Variants in KCNH1 observed in about 807,000 individuals in gnomAD.
KCNH1 encodes the protein voltage-gated delayed rectifier potassium channel KCNH1.
Under a neutral mutation model 69.2 loss-of-function variants are expected in KCNH1, and 27 were observed. That is an observed-to-expected ratio of 0.39 (90% CI 0.29 to 0.54). The LOEUF (loss-of-function observed/expected upper bound fraction) is 0.54. Among genes scored for constraint, KCNH1 ranks in the 20% least tolerant of loss-of-function variants. The pLI is 0.68. For synonymous variants in KCNH1, 456 were observed against 487.7 expected, an observed-to-expected ratio of 0.93 and a Z score of 0.86; for missense variants, 798 against 1,261.6, an observed-to-expected ratio of 0.63 and a Z score of 5.57.
chr1:211,096,226 G>A (rs1691150892), intron 3 of KCNH1, among the ~76,000 whole-genome samples: 1 of 151,998 alleles, frequency 6.6e-6, no homozygotes, highest in Non-Finnish European at 1.5e-5. Flanking sequence ...ACCGCACCCG[G>A]CTAATTTTTG....
At chr1:211,093,884 G>T (rs188367926) in intron 3 of KCNH1, among the ~76,000 whole-genome samples, 2 of 152,216 alleles carry the variant, frequency 1.3e-5, no homozygotes, top group Non-Finnish European at 2.9e-5. Context: ...CCCTATAAAG[G>T]GGGGAAGGCA....
chr1:210,887,323 T>C (rs1000620797), intron 7 of KCNH1, among the ~76,000 whole-genome samples: 10 of 151,972 alleles, frequency 6.6e-5, no homozygotes, highest in Non-Finnish European at 1.5e-4. Flanking sequence ...AGAAATAAAA[T>C]CCTTTACAGA....
At chr1:210,986,508 G>A (rs1688837721) in intron 6 of KCNH1, among the ~76,000 whole-genome samples, 1 of 152,116 alleles carries the variant, frequency 6.6e-6, no homozygotes, top group Admixed American at 6.6e-5. Context: ...GCATTTGCTT[G>A]TCTGTAAAGG....
chr1:210,707,509 G>A (rs1332337565), intron 10 of KCNH1, among the ~76,000 whole-genome samples: 3 of 152,124 alleles, frequency 2.0e-5, no homozygotes, highest in South Asian at 2.1e-4. Flanking sequence ...CTCCCCCCAC[G>A]CTGTTTTTTA....
At position 211,126,933 on chromosome 1, in the gene KCNH1, AT is replaced by A. The variant is rs1691787633; in HGVS notation, c.79+6933del. Among the ~76,000 whole-genome samples the A allele has an allele frequency of 2.0e-5, 3 of 151,480 alleles. No individual in the cohort carries two copies. The Admixed American group carries it at 2.0e-4, about 10-fold the overall frequency. The stretch of plus-strand genomic sequence containing the variant: ...TTTAATTCACTTACGGGATCTGGTT[AT>A]CCCACACCCAACCTCACAAAAAAAA... On this transcript the variant is annotated intron_variant, in intron 1 of 10. Transcript: ENST00000271751.
At chr1:210,951,487 C>T (rs1688061025) in intron 6 of KCNH1, among the ~76,000 whole-genome samples, 1 of 152,176 alleles carries the variant, frequency 6.6e-6, no homozygotes, top group Non-Finnish European at 1.5e-5. Context: ...TGGCGTTTAG[C>T]TATTGGAAGC....
At chr1:210,738,587 A>T in intron 10 of KCNH1, among the ~76,000 whole-genome samples, 1 of 97,522 alleles carries the variant, frequency 1.0e-5, no homozygotes. Context: ...TTTTTCTGAG[A>T]CAGGGTCTTG....
intron 7 of KCNH1, among the ~76,000 whole-genome samples, chr1:210,857,041 G>A (rs1685865697): frequency 6.6e-6 from 1 of 150,962 alleles, no homozygotes; most frequent in Admixed American, 6.6e-5. Context: ...GCCTTTCTGG[G>A]GGCTTGTAAG....
At chr1:210,802,373 T>C (rs1444060914) in intron 8 of KCNH1, among the ~76,000 whole-genome samples, 3 of 152,234 alleles carry the variant, frequency 2.0e-5, no homozygotes, top group Non-Finnish European at 4.4e-5. Context: ...TGTGTCATTA[T>C]GTATTTTTAC....
At chr1:210,807,759 G>A (rs752767997) in intron 7 of KCNH1, among the ~76,000 whole-genome samples, 12 of 152,016 alleles carry the variant, frequency 7.9e-5, no homozygotes, top group Non-Finnish European at 1.6e-4. Flanking sequence ...CTTCCTTTTA[G>A]TTGATGAATA....
At chr1:210,922,044 G>T (rs1448819427) in intron 6 of KCNH1, among the ~76,000 whole-genome samples, 2 of 151,952 alleles carry the variant, frequency 1.3e-5, no homozygotes, top group African/African-American at 2.4e-5. Flanking sequence ...AATTACTTTT[G>T]TTGAGGTGAG....
rs565333757 is a variant in KCNH1, at chr1:210,751,611, G to A, written c.2112+23737C>T. 6.6e-5 allele frequency among the ~76,000 whole-genome samples: 10 copies of A among 152,106 alleles called. No homozygotes were observed. The South Asian group carries it at 1.5e-3, about 22-fold the overall frequency. On this transcript the variant is annotated intron_variant, in intron 10 of 10. Transcript: ENST00000271751. ...AGTGGGTAGGGGCCACTGGGGTAGCGGCCTGGCTGGACCTGAGGGTGCCTG... is the reference window on the plus strand; with the variant it reads ...AGTGGGTAGGGGCCACTGGGGTAGCAGCCTGGCTGGACCTGAGGGTGCCTG...
At chr1:211,033,003 A>G (rs1689819399) in intron 5 of KCNH1, among the ~76,000 whole-genome samples, 1 of 152,228 alleles carries the variant, frequency 6.6e-6, no homozygotes, top group African/African-American at 2.4e-5. Flanking sequence ...CATTTTTGCA[A>G]TCTACTCATC....
chr1:211,020,908 G>GA (rs1689576230), intron 5 of KCNH1, among the ~76,000 whole-genome samples: 1 of 150,762 alleles, frequency 6.6e-6, no homozygotes, highest in Non-Finnish European at 1.5e-5. Context: ...AATAGATGCA[G>GA]AAAAAGCATT....
At chr1:210,924,718 A>T (rs1687532054) in intron 6 of KCNH1, among the ~76,000 whole-genome samples, 3 of 152,306 alleles carry the variant, frequency 2.0e-5, no homozygotes, top group Admixed American at 2.0e-4. Flanking sequence ...TACCAGGCAC[A>T]TATCACCACC....
chr1:210,782,006 C>T (rs1683996458), intron 9 of KCNH1, among the ~76,000 whole-genome samples: 1 of 152,190 alleles, frequency 6.6e-6, no homozygotes, highest in African/African-American at 2.4e-5. Flanking sequence ...CCAGACACTT[C>T]ACCCTACTCC....
At chr1:210,706,418 A>G (rs1449060424) in intron 10 of KCNH1, among the ~76,000 whole-genome samples, 1 of 152,242 alleles carries the variant, frequency 6.6e-6, no homozygotes, top group Non-Finnish European at 1.5e-5. Flanking sequence ...AACACAAAAT[A>G]AGCAAAGCAT....
intron 5 of KCNH1, among the ~76,000 whole-genome samples, chr1:211,072,341 T>A (rs1013714409): frequency 1.3e-5 from 2 of 152,150 alleles, no homozygotes; most frequent in Non-Finnish European, 2.9e-5. Context: ...CCAGTAGACC[T>A]GCCTTGCAAG....
At chr1:210,980,641 C>T (rs1334408986) in intron 6 of KCNH1, among the ~76,000 whole-genome samples, 2 of 152,124 alleles carry the variant, frequency 1.3e-5, no homozygotes, top group African/African-American at 4.8e-5. Flanking sequence ...ATTATATGAT[C>T]CAAGGCTGAA....
Sources: gnomAD v4.1 joint callset for allele counts (sites outside exome capture counted in the v4.1 genomes callset) on GRCh38, gnomAD v4.1.1 for gene constraint, MANE v1.5 for transcripts, NCBI Gene and HGNC (gene_info 2026-07-23, HGNC 2026-07-21) for gene names.